The following NOS1AP variants were observed in gnomAD, a reference collection of about 807,000 sequenced individuals.
NOS1AP encodes carboxyl-terminal PDZ ligand of neuronal nitric oxide synthase protein.
A neutral mutation model predicts 56.2 loss-of-function variants in NOS1AP; 21 were observed. That is an observed-to-expected ratio of 0.37 (90% CI 0.26 to 0.54). The LOEUF is 0.54. Ranked by LOEUF, NOS1AP falls within the 20% of genes least tolerant of loss-of-function variation. NOS1AP has a pLI of 0.84. For synonymous variants in NOS1AP, 270 were observed against 274.6 expected, an observed-to-expected ratio of 0.98 and a Z score of 0.17; for missense variants, 522 against 657.8, an observed-to-expected ratio of 0.79 and a Z score of 2.26.
intron 4 of NOS1AP, among the ~76,000 whole-genome samples, chr1:162,332,474 A>G (rs1571224721): frequency 6.6e-6 from 1 of 152,130 alleles, no homozygotes; most frequent in Non-Finnish European, 1.5e-5. Flanking sequence ...ACTCAGTGGC[A>G]TTGGTTGAAT....
At chr1:162,346,054 A>T (rs1445452520) in intron 6 of NOS1AP, among the ~76,000 whole-genome samples, 2 of 152,204 alleles carry the variant, frequency 1.3e-5, no homozygotes, top group African/African-American at 4.8e-5. Context: ...TCATATACAA[A>T]CCCAGATGTG....
chr1:162,318,427 T>TGTCTGCATCTTATTCA (rs1158348291), intron 4 of NOS1AP, among the ~76,000 whole-genome samples: 1 of 152,234 alleles, frequency 6.6e-6, no homozygotes, highest in Non-Finnish European at 1.5e-5. Flanking sequence ...GCTCGCTTTC[T>TGTCTGCATCTTATTCA]GTCTGCATCT....
intron 2 of NOS1AP, among the ~76,000 whole-genome samples, chr1:162,207,605 G>T (rs1652202174): frequency 6.6e-6 from 1 of 152,220 alleles, no homozygotes; most frequent in Admixed American, 6.5e-5. Context: ...AAACAATCTG[G>T]CAGGGAGCAA....
chr1:162,322,384 G>C (rs1209699111), intron 4 of NOS1AP, among the ~76,000 whole-genome samples: 1 of 152,182 alleles, frequency 6.6e-6, no homozygotes, highest in Non-Finnish European at 1.5e-5. Flanking sequence ...TGCCAGCCAG[G>C]CATGCTCCCA....
chr1:162,261,440 T>C (rs1416172242), intron 2 of NOS1AP, among the ~76,000 whole-genome samples: 1 of 99,024 alleles, frequency 1.0e-5, no homozygotes, highest in Non-Finnish European at 1.8e-5. Context: ...ATCACAAGAG[T>C]CCTTATAGAA....
rs1470750189 is a variant in NOS1AP, at chr1:162,321,394, A to G, written c.345-11623A>G. 6.6e-5 allele frequency among the ~76,000 whole-genome samples: 10 copies of G among 152,290 alleles called. No individual in the cohort carries two copies. In the South Asian group the frequency reaches 1.5e-3, roughly 22 times the overall value. The stretch of plus-strand genomic sequence containing the variant: ...CCATGGAATACTATGCAGCCATAAA[A>G]AATGATGAGTTCATGTCCATTGTAG... On this transcript the variant is annotated intron_variant, in intron 4 of 9. Transcript: ENST00000361897.
At chr1:162,270,069 T>C (rs1414235670) in intron 2 of NOS1AP, among the ~76,000 whole-genome samples, 1 of 152,170 alleles carries the variant, frequency 6.6e-6, no homozygotes, top group Non-Finnish European at 1.5e-5. Flanking sequence ...AAGGGGAACA[T>C]TAAATGGCAA....
intron 2 of NOS1AP, among the ~76,000 whole-genome samples, chr1:162,189,076 T>G (rs1245397365): frequency 6.6e-6 from 1 of 152,116 alleles, no homozygotes; most frequent in African/African-American, 2.4e-5. Flanking sequence ...AATAAATAAA[T>G]AAATAAAAAG....
At chr1:162,316,006 C>T (rs115371421) in intron 4 of NOS1AP, among the ~76,000 whole-genome samples, 248 of 152,278 alleles carry the variant, frequency 1.6e-3, no homozygotes, top group African/African-American at 5.7e-3. Flanking sequence ...GGGCTCAATA[C>T]GTATTTATTC....
intron 1 of NOS1AP, among the ~76,000 whole-genome samples, chr1:162,094,372 T>C (rs1692194035): frequency 6.6e-6 from 1 of 152,192 alleles, no homozygotes; most frequent in Non-Finnish European, 1.5e-5. Context: ...TTTCAGACTC[T>C]GGTCTGATTG....
intron 8 of NOS1AP, among the ~76,000 whole-genome samples, chr1:162,359,723 G>GGA (rs1657829651): frequency 6.6e-6 from 1 of 151,306 alleles, no homozygotes; most frequent in African/African-American, 2.5e-5. Flanking sequence ...TCTACGCGGG[G>GGA]GGGGGCTGAT....
chr1:162,320,924 G>A (rs1299945715), intron 4 of NOS1AP, among the ~76,000 whole-genome samples: 1 of 152,060 alleles, frequency 6.6e-6, no homozygotes, highest in Non-Finnish European at 1.5e-5. Flanking sequence ...ATAGGAATGG[G>A]TTCATTTTTC....
intron 5 of NOS1AP, among the ~76,000 whole-genome samples, chr1:162,335,386 G>A (rs76849708): frequency 0.012 from 1,839 of 152,330 alleles, 24 homozygotes; most frequent in South Asian, 0.032. Flanking sequence ...TGAATTGTTC[G>A]GCAAAGGATG....
chr1:162,340,253 A>G (rs1344614339), intron 5 of NOS1AP, among the ~76,000 whole-genome samples: 1 of 152,174 alleles, frequency 6.6e-6, no homozygotes, highest in Non-Finnish European at 1.5e-5. Context: ...TAATTATTAA[A>G]CTGTTTACCA....
intron 2 of NOS1AP, among the ~76,000 whole-genome samples, chr1:162,219,503 T>C (rs1336733019): frequency 1.3e-5 from 2 of 151,990 alleles, no homozygotes; most frequent in South Asian, 2.1e-4. Context: ...CATCTCTGTC[T>C]CCCCTTGCCT....
chr1:162,118,557 C>G (rs569978796), intron 1 of NOS1AP, among the ~76,000 whole-genome samples: 55 of 152,274 alleles, frequency 3.6e-4, no homozygotes, highest in Non-Finnish European at 6.6e-4. Flanking sequence ...TACAGGCAGG[C>G]ATTTGTGTCT....
intron 2 of NOS1AP, among the ~76,000 whole-genome samples, chr1:162,277,735 T>C (rs985092810): frequency 2.6e-5 from 4 of 152,232 alleles, no homozygotes; most frequent in African/African-American, 9.6e-5. Context: ...TTTCAATGTA[T>C]AACACATTCT....
chr1:162,073,097 C>T (rs1691692578), intron 1 of NOS1AP, among the ~76,000 whole-genome samples: 1 of 152,152 alleles, frequency 6.6e-6, no homozygotes, highest in African/African-American at 2.4e-5. Context: ...AGGTTCTGTG[C>T]ACTTAAAAAC....
chr1:162,228,614 A>T (rs1344490326), intron 2 of NOS1AP, among the ~76,000 whole-genome samples: 1 of 152,222 alleles, frequency 6.6e-6, no homozygotes, highest in East Asian at 1.9e-4. Context: ...TCTCAGGAGT[A>T]AGGGCAAGCT....
Sources: allele counts gnomAD v4.1 joint callset (sites outside exome capture counted in the v4.1 genomes callset), GRCh38; gene constraint gnomAD v4.1.1; transcripts MANE v1.5; gene names NCBI Gene and HGNC (gene_info 2026-07-23, HGNC 2026-07-21).